Variants in PRKDC observed in about 807,000 individuals in gnomAD.
PRKDC encodes the protein DNA-dependent protein kinase catalytic subunit.
Under a neutral mutation model 486.9 loss-of-function variants are expected in PRKDC, and 82 were observed. The observed-to-expected ratio is 0.17, with a 90% CI of 0.14 to 0.20. The LOEUF is 0.20. Ranked by LOEUF, PRKDC falls within the 10% of genes least tolerant of loss-of-function variation. The pLI is 1.00. For missense variants in PRKDC, 4,504 were observed against 5,038.2 expected, an observed-to-expected ratio of 0.89 and a Z score of 3.21; for synonymous variants, 1,895 against 1,837.0, an observed-to-expected ratio of 1.03 and a Z score of -0.81.
At chr8:47,915,031 G>A (rs2089964748) in intron 23 of PRKDC, among the ~76,000 whole-genome samples, 1 of 152,110 alleles carries the variant, frequency 6.6e-6, no homozygotes, top group African/African-American at 2.4e-5. Context: ...GGATCTCAAA[G>A]AGATTAACTT....
rs748247359 is a variant in PRKDC, at chr8:47,785,240, G to A, written c.10980C>T (p.Asn3660=). The part of the protein sequence containing the change: ...KLLRMKLSDF[N]DITNMLLLKM... ...TTAAAAGTAGCATGTTGGTAATGTC[G>A]TTGAAGTCACTGAGCTTCATTCTCA... Residue 3660 remains asparagine (N), a synonymous_variant, in exon 77 of 86, where the codon AAC becomes AAT. Coordinates refer to ENST00000314191, the MANE Select transcript of PRKDC (RefSeq NM_006904.7). 1.1e-5 allele frequency: 17 copies of A among 1,613,522 alleles called. No homozygotes were observed. The East Asian group carries it at 1.1e-4, about 11-fold the overall frequency.
rs2154497149 is a variant in PRKDC, at chr8:47,773,723, A to C, written c.*450T>G. On this transcript the variant is annotated 3_prime_UTR_variant, in exon 86 of 86. Coordinates refer to ENST00000314191, the MANE Select transcript of PRKDC (RefSeq NM_006904.7). Reference sequence around the variant, plus strand: ...TCCTATGCTGCTTCTACAATGTTACATCAACTATACTTAGCTTTACTCTCC... The same window carrying C: ...TCCTATGCTGCTTCTACAATGTTACCTCAACTATACTTAGCTTTACTCTCC... 4.4e-6 allele frequency: 1 copy of C among 229,248 alleles called. No individual in the cohort carries two copies. Among genetic ancestry groups the C allele is most frequent in the Middle Eastern group, 1.3e-3 (1 of 758 alleles). The allele number at this position is 229,248 out of a possible 1,614,324, so 14.2% of individuals were successfully genotyped here. A position where few individuals can be genotyped will look rare whatever the true frequency, so the allele number is the denominator to read the frequency against.
intron 16 of PRKDC, 115 bp from the exon 17 acceptor site, chr8:47,930,902 A>C: frequency 2.9e-6 from 3 of 1,030,812 alleles, no homozygotes; most frequent in Non-Finnish European, 1.4e-6. Context: ...AAAGATTGCA[A>C]CAGCGAGAAA....
chr8:47,828,775 T>C (rs927153517), intron 61 of PRKDC, among the ~76,000 whole-genome samples: 1 of 152,250 alleles, frequency 6.6e-6, no homozygotes, highest in African/African-American at 2.4e-5. Flanking sequence ...TTAGGTATTT[T>C]TCTCCTATCA....
In PRKDC at chr8:47,954,354, T is replaced by C. The variant is rs1227858851; in HGVS notation, c.492A>G (p.Lys164=). ...SKFYGELALK[K]KIPDTVLEKV... ...GCATCTCACCTGTATCTGGTATTTTTTTTTTCAATGCAAGTTCTCCATAGA... is the reference window on the plus strand; with the variant it reads ...GCATCTCACCTGTATCTGGTATTTTCTTTTTCAATGCAAGTTCTCCATAGA... Residue 164 remains lysine (K), a synonymous_variant, in exon 5 of 86, where the codon AAA becomes AAG. Transcript: ENST00000314191. 3 of 1,315,390 alleles carry C rather than the reference T, an allele frequency of 2.3e-6. No homozygotes were observed. Among genetic ancestry groups the C allele is most frequent in the South Asian group, 1.6e-5 (1 of 62,944 alleles). The allele number at this position is 1,315,390 out of a possible 1,614,324, so 81.5% of individuals were successfully genotyped here. A position where few individuals can be genotyped will look rare whatever the true frequency, so the allele number is the denominator to read the frequency against.
chr8:47,935,935 G>A (rs370967039), intron 12 of PRKDC, 35 bp from the exon 13 acceptor site: 285 of 1,575,482 alleles, frequency 1.8e-4, no homozygotes, highest in Non-Finnish European at 2.2e-4. Context: ...TGAGTTAGAG[G>A]AGGTAATCAA....
chr8:47,947,577 G>A (rs914544524), intron 7 of PRKDC, among the ~76,000 whole-genome samples: 2 of 152,174 alleles, frequency 1.3e-5, no homozygotes, highest in African/African-American at 4.8e-5. Context: ...AGACAAGCCT[G>A]ACCGACATGG....
intron 23 of PRKDC, among the ~76,000 whole-genome samples, chr8:47,914,378 AT>A (rs1432524200): frequency 4.6e-5 from 7 of 152,344 alleles, no homozygotes; most frequent in Non-Finnish European, 7.3e-5. Flanking sequence ...TAAAAAAAAA[AT>A]CTCTTTGAAA....
At chr8:47,887,988 T>C (rs2089373262) in intron 34 of PRKDC, among the ~76,000 whole-genome samples, 1 of 152,190 alleles carries the variant, frequency 6.6e-6, no homozygotes, top group Admixed American at 6.5e-5. Context: ...CCTGAGTAGC[T>C]GGGACTACGG....
At chr8:47,959,948 C>G (rs1261912209) in intron 1 of PRKDC, 25 bp downstream of exon 1, 2 of 1,531,708 alleles carry the variant, frequency 1.3e-6, no homozygotes, top group Admixed American at 3.9e-5. Context: ...GACCCACCCG[C>G]GGCCCAGCTC....
intron 31 of PRKDC, among the ~76,000 whole-genome samples, chr8:47,891,303 T>C (rs1324935228): frequency 6.6e-6 from 1 of 152,212 alleles, no homozygotes; most frequent in Non-Finnish European, 1.5e-5. Flanking sequence ...GTCTCATGGT[T>C]TCTAATTCTT....
chr8:47,852,854 A>G (rs2088441912), intron 51 of PRKDC, 70 bp from the exon 52 acceptor site: 1 of 1,048,594 alleles, frequency 9.5e-7, no homozygotes, highest in Non-Finnish European at 1.4e-6. Context: ...ATAAATGACA[A>G]TTTTCCTTCT....
Position 47,864,750 on chromosome 8 carries a change from T to G in PRKDC, c.5377A>C (p.Thr1793Pro). The G allele has an allele frequency of 8.8e-6, 14 of 1,593,220 alleles. No individual in the cohort carries two copies. The highest frequency in any genetic ancestry group is 1.2e-5 in the Non-Finnish European group (14 of 1,168,238). The change falls in exon 41 of 86, where the codon ACA (threonine) becomes CCA (proline). Residue 1793 changes from threonine (T) to proline (P), a missense_variant. Transcript: ENST00000314191. ...ACGCTTTCCAGAAGGCCTACTTGTG[T>G]GACACATGAACCCCTAAGAAAACAA... is the stretch of plus-strand genomic sequence containing the variant. ...RRIARRGSCV[T>P]QVGLLESVYE...
Position 47,930,061 on chromosome 8 carries a change from T to A in PRKDC, c.1893-49A>T, listed in dbSNP as rs2090224807. ...AAGGTAGAAATTTGTATCATTCTGATCTTAAAATTGTAAGGGACATAATCG... is the reference window on the plus strand; with the variant it reads ...AAGGTAGAAATTTGTATCATTCTGAACTTAAAATTGTAAGGGACATAATCG... On this transcript the variant is annotated intron_variant, in intron 17 of 85. Coordinates refer to ENST00000314191, the MANE Select transcript of PRKDC (RefSeq NM_006904.7). 2.6e-6 allele frequency: 4 copies of A among 1,519,226 alleles called. 1 individual carries two copies. The highest frequency in any genetic ancestry group is 2.4e-5 in the South Asian group (2 of 83,412). The allele number at this position is 1,519,226 out of a possible 1,614,324, so 94.1% of individuals were successfully genotyped here. A position where few individuals can be genotyped will look rare whatever the true frequency, so the allele number is the denominator to read the frequency against.
At chr8:47,908,515 T>C (rs1025939385) in intron 25 of PRKDC, among the ~76,000 whole-genome samples, 3 of 152,198 alleles carry the variant, frequency 2.0e-5, no homozygotes, top group Non-Finnish European at 4.4e-5. Context: ...AGAAGGATGC[T>C]GATTATAGAA....
chr8:47,854,647 A>T (rs1202780775), intron 50 of PRKDC, among the ~76,000 whole-genome samples: 2 of 152,104 alleles, frequency 1.3e-5, no homozygotes, highest in African/African-American at 2.4e-5. Context: ...CCAAATACAG[A>T]ATTTTCTAAA....
chr8:47,787,174 G>T (rs1009765083), intron 76 of PRKDC, among the ~76,000 whole-genome samples: 1 of 152,188 alleles, frequency 6.6e-6, no homozygotes, highest in Non-Finnish European at 1.5e-5. Context: ...ATTACTAGCA[G>T]TTACTCAACA....
chr8:47,852,909 T>C (rs1300971781), intron 51 of PRKDC, 125 bp from the exon 52 acceptor site: 2 of 669,312 alleles, frequency 3.0e-6, no homozygotes, highest in Non-Finnish European at 5.1e-6. Context: ...AAATATAGAA[T>C]GTGATGCAAA....
intron 18 of PRKDC, 38 bp from the exon 19 acceptor site, chr8:47,929,216 AATCGGGAGACTGT>A (rs1293281364): frequency 7.9e-6 from 11 of 1,388,242 alleles, no homozygotes; most frequent in Non-Finnish European, 1.1e-5. Flanking sequence ...ACTGAACAAG[AATCGGGAGACTGT>A]ATCCCAATCC....
Sources: gnomAD v4.1 joint callset for allele counts (sites outside exome capture counted in the v4.1 genomes callset) on GRCh38, gnomAD v4.1.1 for gene constraint, MANE v1.5 for transcripts, NCBI Gene and HGNC (gene_info 2026-07-23, HGNC 2026-07-21) for gene names.